Variants in CD86 observed in about 807,000 individuals in gnomAD.
CD86 encodes T-lymphocyte activation antigen CD86.
Under a neutral mutation model 32.1 loss-of-function variants are expected in CD86, and 11 were observed. That is an observed-to-expected ratio of 0.34 (90% CI 0.22 to 0.57). The LOEUF (loss-of-function observed/expected upper bound fraction) is 0.57, where lower values mean the gene tolerates loss of function less well. Ranked by LOEUF, CD86 falls within the 20% of genes least tolerant of loss-of-function variation. The pLI is 0.86. For missense variants in CD86, 359 were observed against 398.4 expected (o/e 0.90, Z 0.84); for synonymous variants, 137 against 135.3 (o/e 1.01, Z -0.09).
chr3:122,075,890 G>A (rs564708390), intron 1 of CD86, among the ~76,000 whole-genome samples: 1 of 152,284 alleles, frequency 6.6e-6, no homozygotes, highest in East Asian at 1.9e-4. Context: ...ACTATTGCCA[G>A]GATCTGTGCT....
rs561712921 is a variant in CD86 at position 122,061,709 on chromosome 3, C to A, written c.14+6206C>A. Among the ~76,000 whole-genome samples the A allele has an allele frequency of 5.9e-5, 9 of 152,118 alleles. No individual in the cohort carries two copies. In the South Asian group the frequency reaches 6.2e-4, roughly 11 times the overall value. On this transcript the variant is annotated intron_variant, in intron 1 of 6. Coordinates refer to ENST00000330540, the MANE Select transcript of CD86 (RefSeq NM_175862.5). ...GACAACACCAAATGATGGCAGGATGCGGAGAAACTGGATCATGCATACATT... is the reference window on the plus strand; with the variant it reads ...GACAACACCAAATGATGGCAGGATGAGGAGAAACTGGATCATGCATACATT...
intron 1 of CD86, among the ~76,000 whole-genome samples, chr3:122,090,478 A>G (rs900438323): frequency 6.6e-6 from 1 of 152,236 alleles, no homozygotes; most frequent in Non-Finnish European, 1.5e-5. Context: ...TTAAAAAGCT[A>G]TAAGCCAAAT....
At chr3:122,075,375 G>A (rs950051029) in intron 1 of CD86, among the ~76,000 whole-genome samples, 5 of 152,150 alleles carry the variant, frequency 3.3e-5, no homozygotes, top group Non-Finnish European at 7.3e-5. Flanking sequence ...TCAGCTTTCA[G>A]CTATTTGGAA....
chr3:122,117,673 TCTC>T (rs1263221497), intron 5 of CD86, among the ~76,000 whole-genome samples: 1 of 152,222 alleles, frequency 6.6e-6, no homozygotes, highest in African/African-American at 2.4e-5. Flanking sequence ...CAAGACTTCT[TCTC>T]CTCCTCCTTA....
At chr3:122,069,511 A>G (rs1417420532) in intron 1 of CD86, among the ~76,000 whole-genome samples, 1 of 152,124 alleles carries the variant, frequency 6.6e-6, no homozygotes, top group Non-Finnish European at 1.5e-5. Flanking sequence ...AGGTGTTGAG[A>G]TACACGACAG....
At chr3:122,110,085 A>G (rs1206162063) in intron 5 of CD86, among the ~76,000 whole-genome samples, 1 of 152,188 alleles carries the variant, frequency 6.6e-6, no homozygotes, top group Non-Finnish European at 1.5e-5. Flanking sequence ...CACAATTTGG[A>G]TAATATATGT....
chr3:122,072,129 T>C (rs2072497392), intron 1 of CD86, among the ~76,000 whole-genome samples: 3 of 150,538 alleles, frequency 2.0e-5, no homozygotes, highest in Admixed American at 1.3e-4. Flanking sequence ...CAGTCTATCA[T>C]TGTTGGACAT....
Position 122,101,505 on chromosome 3 carries a change from AAAAAAAAAATAT to A in CD86, c.65-2005_65-1994del, listed in dbSNP as rs1385573746. Among the ~76,000 whole-genome samples, 337 of 45,480 alleles carry A rather than the reference AAAAAAAAAATAT, an allele frequency of 7.4e-3. 2 individuals are homozygous for A. Among genetic ancestry groups the A allele is most frequent in the South Asian group, 0.016 (14 of 886 alleles). The allele number at this position is 45,480 out of a possible 152,430, so 29.8% of individuals were successfully genotyped here. On this transcript the variant is annotated intron_variant, in intron 2 of 6. Coordinates refer to ENST00000330540, the MANE Select transcript of CD86 (RefSeq NM_175862.5). ...CTGTGAGGCTCTACAGAAAAAAAAA[AAAAAAAAAATAT>A]ATATATATATATATATATATATATG... is the stretch of plus-strand genomic sequence containing the variant.
intron 1 of CD86, among the ~76,000 whole-genome samples, chr3:122,081,557 C>A (rs574410664): frequency 6.6e-6 from 1 of 152,180 alleles, no homozygotes; most frequent in Non-Finnish European, 1.5e-5. Flanking sequence ...GGACAGAGGA[C>A]GATAGCTACC....
At chr3:122,103,456 G>T (rs1305503944) in intron 2 of CD86, 56 bp from the exon 3 acceptor site, 3 of 1,184,112 alleles carry the variant, frequency 2.5e-6, no homozygotes, top group African/African-American at 1.5e-5. Flanking sequence ...AGAAATGGAG[G>T]TTTTTTCCCC....
At chr3:122,074,534 CT>C in intron 1 of CD86, among the ~76,000 whole-genome samples, 1 of 152,202 alleles carries the variant, frequency 6.6e-6, no homozygotes, top group East Asian at 1.9e-4. Flanking sequence ...TCCTAGAGTG[CT>C]TTTAGACTTG....
chr3:122,061,491 T>C (rs1361629000), intron 1 of CD86, among the ~76,000 whole-genome samples: 1 of 152,128 alleles, frequency 6.6e-6, no homozygotes, highest in African/African-American at 2.4e-5. Flanking sequence ...CAATGAGATA[T>C]TTTCCTGTAT....
intron 2 of CD86, among the ~76,000 whole-genome samples, chr3:122,100,889 G>A (rs2072989315): frequency 6.6e-6 from 1 of 152,096 alleles, no homozygotes; most frequent in Non-Finnish European, 1.5e-5. Context: ...CAGTTGCTAG[G>A]TGGCTTGAGG....
intron 2 of CD86, among the ~76,000 whole-genome samples, chr3:122,099,743 A>G (rs1421382203): frequency 6.6e-6 from 1 of 152,238 alleles, no homozygotes; most frequent in Non-Finnish European, 1.5e-5. Context: ...ATTTCAATTA[A>G]TTAAAATTAA....
At chr3:122,108,288 T>G (rs2073121832) in intron 4 of CD86, among the ~76,000 whole-genome samples, 1 of 152,196 alleles carries the variant, frequency 6.6e-6, no homozygotes. Flanking sequence ...TCAAGGGGCC[T>G]TTTTTGCATG....
At chr3:122,070,488 AAG>A (rs2072474675) in intron 1 of CD86, among the ~76,000 whole-genome samples, 1 of 152,184 alleles carries the variant, frequency 6.6e-6, no homozygotes, top group Non-Finnish European at 1.5e-5. Flanking sequence ...GGCTCACACA[AAG>A]AAAAATACTC....
intron 1 of CD86, among the ~76,000 whole-genome samples, chr3:122,089,246 T>G (rs2072774127): frequency 1.3e-5 from 2 of 152,182 alleles, no homozygotes; most frequent in South Asian, 4.1e-4. Flanking sequence ...TGAAGATGGA[T>G]GTAGTGATGA....
chr3:122,087,404 G>T (rs2072741274), intron 1 of CD86, among the ~76,000 whole-genome samples: 1 of 152,108 alleles, frequency 6.6e-6, no homozygotes, highest in Admixed American at 6.5e-5. Flanking sequence ...TTCTGGTTGT[G>T]GTTGGAGGTT....
intron 5 of CD86, among the ~76,000 whole-genome samples, chr3:122,115,436 G>A (rs573553932): frequency 1.3e-5 from 2 of 152,272 alleles, no homozygotes; most frequent in East Asian, 3.9e-4. Flanking sequence ...TTCTCTCCAA[G>A]TTGATCTATG....
Sources: allele counts gnomAD v4.1 joint callset (sites outside exome capture counted in the v4.1 genomes callset), GRCh38; gene constraint gnomAD v4.1.1; transcripts MANE v1.5; gene names NCBI Gene and HGNC (gene_info 2026-07-23, HGNC 2026-07-21).